The following PIGU variants were observed in gnomAD, a reference collection of about 807,000 sequenced individuals.
The protein encoded by PIGU is GPI-anchor transamidase component PIGU.
In PIGU, 24 loss-of-function variants were observed where a neutral mutation model predicts 49.9. That is an observed-to-expected ratio of 0.48 (90% CI 0.35 to 0.68). The LOEUF (loss-of-function observed/expected upper bound fraction) is 0.68, where lower values mean the gene tolerates loss of function less well. PIGU is among the 30% of genes least tolerant of loss of function. The pLI is 0.01. For missense variants in PIGU, 490 were observed against 532.6 expected, an observed-to-expected ratio of 0.92 and a Z score of 0.79; for synonymous variants, 220 against 205.7, an observed-to-expected ratio of 1.07 and a Z score of -0.59.
intron 7 of PIGU, among the ~76,000 whole-genome samples, chr20:34,604,207 A>C (rs1411257639): frequency 1.3e-5 from 2 of 152,144 alleles, no homozygotes; most frequent in Non-Finnish European, 2.9e-5. Flanking sequence ...CTAATATATA[A>C]AAAATATTTA....
At chr20:34,672,365 T>C (rs749098171) in intron 1 of PIGU, among the ~76,000 whole-genome samples, 8 of 152,214 alleles carry the variant, frequency 5.3e-5, no homozygotes, top group Admixed American at 1.3e-4. Flanking sequence ...AACATCAATC[T>C]TCCCTTCTTT....
At chr20:34,577,927 A>C (rs1983305430) in intron 10 of PIGU, among the ~76,000 whole-genome samples, 2 of 152,306 alleles carry the variant, frequency 1.3e-5, no homozygotes, top group Admixed American at 1.3e-4. Flanking sequence ...ACTGTGTCAA[A>C]AGGAGAATAA....
intron 1 of PIGU, among the ~76,000 whole-genome samples, chr20:34,659,451 C>A (rs1457347894): frequency 2.7e-5 from 4 of 150,796 alleles, no homozygotes; most frequent in Non-Finnish European, 5.9e-5. Flanking sequence ...CCCGGCCCGG[C>A]CAGCCGCCCC....
At chr20:34,589,649 CTTTTTTTTTTTTT>C (rs34119895) in intron 7 of PIGU, among the ~76,000 whole-genome samples, 8 of 53,674 alleles carry the variant, frequency 1.5e-4, no homozygotes, top group African/African-American at 7.8e-5. Flanking sequence ...CTGCACCTGG[CTTTTTTTTTTTTT>C]TTTTTTTTTT....
In PIGU at chr20:34,588,613, G is replaced by C. The variant is rs750367763; in HGVS notation, c.628-6C>G. On this transcript the variant is annotated splice_polypyrimidine_tract_variant and splice_region_variant and intron_variant, in intron 7 of 11. Coordinates refer to ENST00000217446, the MANE Select transcript of PIGU (RefSeq NM_080476.5). Reference sequence around the variant, plus strand: ...TTCACAGGTATGTACTGCCGCTGGAGAGAAGGCAAAGTGATATAAACTTAG... The same window carrying C: ...TTCACAGGTATGTACTGCCGCTGGACAGAAGGCAAAGTGATATAAACTTAG... The C allele has an allele frequency of 3.1e-6, 5 of 1,611,000 alleles. No homozygotes were observed. Among genetic ancestry groups the C allele is most frequent in the Admixed American group, 1.7e-5 (1 of 59,526 alleles).
chr20:34,581,447 A>G (rs1027693226), intron 10 of PIGU, 101 bp downstream of exon 10: 5 of 1,465,670 alleles, frequency 3.4e-6, no homozygotes, highest in Non-Finnish European at 4.6e-6. Flanking sequence ...TGCTGCCAGC[A>G]TAACAGGTGC....
intron 4 of PIGU, 101 bp downstream of exon 4, chr20:34,644,063 A>T: frequency 9.0e-7 from 1 of 1,106,070 alleles, no homozygotes; most frequent in Non-Finnish European, 1.4e-6. Context: ...ACTTCCTAGC[A>T]CTTTAAAGCA....
intron 7 of PIGU, among the ~76,000 whole-genome samples, chr20:34,594,969 G>A (rs1318365524): frequency 6.6e-6 from 1 of 151,882 alleles, no homozygotes; most frequent in Middle Eastern, 3.4e-3. Context: ...GGGGGCGCCT[G>A]TAGTCCTAGC....
intron 7 of PIGU, among the ~76,000 whole-genome samples, chr20:34,590,953 A>AGAGCTTGCAGTGAGCC (rs1983951691): frequency 6.6e-6 from 1 of 151,844 alleles, no homozygotes; most frequent in Non-Finnish European, 1.5e-5. Flanking sequence ...CCCAGGAGGC[A>AGAGCTTGCAGTGAGCC]GAGCTTGCAG....
At chr20:34,645,217 A>C in intron 3 of PIGU, 58 bp downstream of exon 3, 1 of 1,438,946 alleles carries the variant, frequency 6.9e-7, no homozygotes, top group Non-Finnish European at 9.2e-7. Context: ...AGAGAGAGAC[A>C]ATAAACCATA....
intron 6 of PIGU, among the ~76,000 whole-genome samples, chr20:34,632,621 TC>T (rs1226771768): frequency 1.3e-5 from 2 of 152,132 alleles, no homozygotes; most frequent in Non-Finnish European, 2.9e-5. Context: ...TGCCTTGGCC[TC>T]CCAAAGTGCT....
At chr20:34,564,702 A>C (rs1982671086) in intron 11 of PIGU, among the ~76,000 whole-genome samples, 1 of 152,274 alleles carries the variant, frequency 6.6e-6, no homozygotes, top group Non-Finnish European at 1.5e-5. Flanking sequence ...TTTGAAATAC[A>C]CTAAAAAAGT....
intron 11 of PIGU, among the ~76,000 whole-genome samples, chr20:34,567,595 C>G (rs1982826480): frequency 6.6e-6 from 1 of 151,866 alleles, no homozygotes; most frequent in Non-Finnish European, 1.5e-5. Flanking sequence ...CTCTTCCCAG[C>G]AGTGAGGTTT....
chr20:34,659,064 C>T (rs1459299346), intron 1 of PIGU, among the ~76,000 whole-genome samples: 5 of 143,096 alleles, frequency 3.5e-5, no homozygotes, highest in Admixed American at 6.9e-5. Context: ...CTGCCCCGTC[C>T]GGGAGGGAGG....
At chr20:34,623,572 T>C (rs1022880629) in intron 6 of PIGU, among the ~76,000 whole-genome samples, 5 of 152,098 alleles carry the variant, frequency 3.3e-5, no homozygotes, top group South Asian at 2.1e-4. Flanking sequence ...ATGAGAGCAA[T>C]AGGATTTAAA....
At chr20:34,632,526 C>T (rs1020214326) in intron 6 of PIGU, among the ~76,000 whole-genome samples, 5 of 152,012 alleles carry the variant, frequency 3.3e-5, no homozygotes, top group Admixed American at 1.3e-4. Flanking sequence ...CACCACCACG[C>T]CCAGCTAATT....
At chr20:34,603,524 C>T (rs1270237162) in intron 7 of PIGU, among the ~76,000 whole-genome samples, 1 of 152,008 alleles carries the variant, frequency 6.6e-6, no homozygotes, top group Non-Finnish European at 1.5e-5. Context: ...TTATGAGTGC[C>T]TGGATTTAAA....
intron 11 of PIGU, among the ~76,000 whole-genome samples, chr20:34,568,143 G>T (rs904238983): frequency 6.6e-6 from 1 of 152,210 alleles, no homozygotes; most frequent in Non-Finnish European, 1.5e-5. Flanking sequence ...TGTGCCTGAG[G>T]CCAGCGAGCC....
intron 6 of PIGU, among the ~76,000 whole-genome samples, chr20:34,627,602 C>T (rs1218015576): frequency 1.3e-5 from 2 of 151,840 alleles, no homozygotes; most frequent in Non-Finnish European, 2.9e-5. Flanking sequence ...TACATTTTTA[C>T]GAGCGACTCC....
Sources: allele counts gnomAD v4.1 joint callset (sites outside exome capture counted in the v4.1 genomes callset), GRCh38; gene constraint gnomAD v4.1.1; transcripts MANE v1.5; gene names NCBI Gene and HGNC (gene_info 2026-07-23, HGNC 2026-07-21).